Variants in PID1 observed in about 807,000 individuals in gnomAD.
PID1 encodes PTB-containing, cubilin and LRP1-interacting protein.
Under a neutral mutation model 19.1 loss-of-function variants are expected in PID1, and 10 were observed. That is an observed-to-expected ratio of 0.52 (90% CI 0.32 to 0.89). The LOEUF is 0.89. Among genes scored for constraint, PID1 ranks in the 40% least tolerant of loss-of-function variants. The pLI is 0.03. For synonymous variants in PID1, 130 were observed against 116.0 expected, an observed-to-expected ratio of 1.12 and a Z score of -0.78; for missense variants, 248 against 285.3, an observed-to-expected ratio of 0.87 and a Z score of 0.94.
At chr2:229,082,167 T>C (rs968571931) in intron 2 of PID1, among the ~76,000 whole-genome samples, 1 of 152,228 alleles carries the variant, frequency 6.6e-6, no homozygotes, top group African/African-American at 2.4e-5. Flanking sequence ...TTATCAATGA[T>C]TCAGAGCCTC....
At chr2:229,149,271 C>T (rs192034379) in intron 2 of PID1, among the ~76,000 whole-genome samples, 1 of 151,838 alleles carries the variant, frequency 6.6e-6, no homozygotes, top group African/African-American at 2.4e-5. Flanking sequence ...TAAAAAATGG[C>T]CCTTTGTCTA....
At chr2:229,106,135 A>G (rs1695176132) in intron 2 of PID1, among the ~76,000 whole-genome samples, 2 of 151,932 alleles carry the variant, frequency 1.3e-5, no homozygotes, top group South Asian at 4.1e-4. Flanking sequence ...CCAATTATCT[A>G]AAGAAAATAT....
chr2:229,190,117 T>C (rs1209765369), intron 1 of PID1, among the ~76,000 whole-genome samples: 1 of 152,242 alleles, frequency 6.6e-6, no homozygotes, highest in Non-Finnish European at 1.5e-5. Flanking sequence ...TATTCATTTT[T>C]ATTGTTTCCT....
intron 2 of PID1, among the ~76,000 whole-genome samples, chr2:229,114,147 C>A (rs1695361246): frequency 6.8e-6 from 1 of 146,764 alleles, no homozygotes; most frequent in African/African-American, 2.6e-5. Context: ...CTCTCTCTCT[C>A]TCTTTCTCTC....
intron 2 of PID1, among the ~76,000 whole-genome samples, chr2:229,070,990 T>G (rs1285954639): frequency 6.6e-6 from 1 of 152,226 alleles, no homozygotes; most frequent in East Asian, 1.9e-4. Context: ...CATGTTTTAA[T>G]TTTTAGAAAT....
intron 2 of PID1, among the ~76,000 whole-genome samples, chr2:229,095,625 C>T (rs13406030): frequency 0.15 from 22,303 of 152,022 alleles, 1,760 homozygotes; most frequent in African/African-American, 0.19. Context: ...CTTTTCATAT[C>T]AGAAACCATT....
chr2:229,108,894 G>A (rs1331568814), intron 2 of PID1, among the ~76,000 whole-genome samples: 1 of 152,178 alleles, frequency 6.6e-6, no homozygotes, highest in Non-Finnish European at 1.5e-5. Context: ...ATAGAGTAAT[G>A]AGGCTGTGAG....
At chr2:229,219,723 G>A (rs1691924460) in intron 1 of PID1, among the ~76,000 whole-genome samples, 1 of 151,888 alleles carries the variant, frequency 6.6e-6, no homozygotes, top group South Asian at 2.1e-4. Context: ...ATTTTTCATA[G>A]AGACAGAGTC....
At chr2:229,146,610 G>A (rs558233652) in intron 2 of PID1, among the ~76,000 whole-genome samples, 2 of 152,120 alleles carry the variant, frequency 1.3e-5, no homozygotes, top group South Asian at 2.1e-4. Context: ...CTGTAGTAGG[G>A]TGAATACTGG....
intron 2 of PID1, among the ~76,000 whole-genome samples, chr2:229,115,416 A>AG (rs1188707526): frequency 1.3e-5 from 2 of 151,384 alleles, no homozygotes; most frequent in Non-Finnish European, 2.9e-5. Context: ...AAAAAAAAAA[A>AG]AGAAGAGAAG....
intron 2 of PID1, among the ~76,000 whole-genome samples, chr2:229,127,388 G>A (rs548892722): frequency 4.6e-5 from 7 of 152,180 alleles, no homozygotes; most frequent in Non-Finnish European, 5.9e-5. Flanking sequence ...CAAGATTGCC[G>A]GTTTATTTCC....
At chr2:229,141,649 G>A (rs915621628) in intron 2 of PID1, among the ~76,000 whole-genome samples, 2 of 152,084 alleles carry the variant, frequency 1.3e-5, no homozygotes. Context: ...ATGTGGGGGG[G>A]GAACTAATTT....
chr2:229,188,322 CT>C (rs1252536028), intron 1 of PID1, among the ~76,000 whole-genome samples: 1 of 147,452 alleles, frequency 6.8e-6, no homozygotes, highest in Admixed American at 6.8e-5. Context: ...TGCTTCTCCC[CT>C]GAAAAAAAAA....
intron 1 of PID1, among the ~76,000 whole-genome samples, chr2:229,157,955 G>T (rs540548863): frequency 1.3e-5 from 2 of 152,098 alleles, no homozygotes; most frequent in South Asian, 2.1e-4. Flanking sequence ...GAAAGTGCAC[G>T]TATCAAGAAG....
chr2:229,193,243 TGA>T (rs1691301313), intron 1 of PID1, among the ~76,000 whole-genome samples: 1 of 152,170 alleles, frequency 6.6e-6, no homozygotes, highest in South Asian at 2.1e-4. Flanking sequence ...AGGGATGGGT[TGA>T]AGACTGAGTT....
At chr2:229,108,272 C>T (rs572544198) in intron 2 of PID1, among the ~76,000 whole-genome samples, 24 of 152,230 alleles carry the variant, frequency 1.6e-4, no homozygotes, top group Non-Finnish European at 3.1e-4. Flanking sequence ...TATTTTTTAA[C>T]TCAGTTTATT....
chr2:229,254,851 G>T lies in PID1; in HGVS notation c.30+16163C>A, dbSNP rs1197194861. The stretch of plus-strand genomic sequence containing the variant: ...TTTGTATTTTCTGAGTTTGTAGTTT[G>T]GCCAGGACTTTTATATTCTGTGGGC... On this transcript the variant is annotated intron_variant, in intron 1 of 2. Transcript: ENST00000392055. 2.6e-5 allele frequency among the ~76,000 whole-genome samples: 4 copies of T among 152,120 alleles called. No individual in the cohort carries two copies. The South Asian group carries it at 6.2e-4, about 24-fold the overall frequency.
intron 1 of PID1, among the ~76,000 whole-genome samples, chr2:229,194,926 TA>T (rs10710537): frequency 1 from 151,985 of 151,992 alleles, 75,989 homozygotes; most frequent in Non-Finnish European, 1. Context: ...CTCATTGCTA[TA>T]AAAAAATTAC....
intron 1 of PID1, among the ~76,000 whole-genome samples, chr2:229,259,874 T>C (rs1028826508): frequency 2.0e-5 from 3 of 152,144 alleles, no homozygotes; most frequent in Non-Finnish European, 2.9e-5. Context: ...CCTTACCTTA[T>C]GTGAGGACAC....
Sources: gnomAD v4.1 joint callset for allele counts (sites outside exome capture counted in the v4.1 genomes callset) on GRCh38, gnomAD v4.1.1 for gene constraint, MANE v1.5 for transcripts, NCBI Gene and HGNC (gene_info 2026-07-23, HGNC 2026-07-21) for gene names.